SYT10: variants seen among roughly 807,000 people sequenced by gnomAD.
SYT10 encodes synaptotagmin-10.
A neutral mutation model predicts 51.1 loss-of-function variants in SYT10; 31 were observed. That is an observed-to-expected ratio of 0.61 (90% CI 0.46 to 0.82). The LOEUF is 0.82. Ranked by LOEUF, SYT10 falls within the 40% of genes least tolerant of loss-of-function variation. The pLI, the probability that SYT10 is intolerant of heterozygous loss-of-function variation, is 0.00. For synonymous variants in SYT10, 233 were observed against 225.9 expected, an observed-to-expected ratio of 1.03 and a Z score of -0.28; for missense variants, 603 against 634.0, an observed-to-expected ratio of 0.95 and a Z score of 0.53.
intron 2 of SYT10, among the ~76,000 whole-genome samples, chr12:33,418,695 G>T (rs1312348225): frequency 6.6e-6 from 1 of 152,072 alleles, no homozygotes; most frequent in African/African-American, 2.4e-5. Flanking sequence ...TATCAGGATG[G>T]TCTGTTTCTT....
intron 3 of SYT10, among the ~76,000 whole-genome samples, chr12:33,392,819 C>A (rs1323128996): frequency 2.0e-5 from 3 of 151,168 alleles, no homozygotes; most frequent in East Asian, 2.0e-4. Flanking sequence ...AATTACAAAA[C>A]CCCTCTGGGC....
At position 33,385,233 on chromosome 12, in the gene SYT10, C is replaced by T. The variant is rs1051673503; in HGVS notation, c.1136G>A (p.Arg379His). Residue 379 changes from arginine (R) to histidine (H), a missense_variant, in exon 4 of 7, where the codon CGT (arginine) becomes CAT (histidine). Coordinates refer to ENST00000228567, the MANE Select transcript of SYT10 (RefSeq NM_198992.4). ...FSLCYLPTAG[R>H]MTLTVIKCRN... ...GCACTTAATGACTGTCAATGTCATA[C>T]GCCCAGCCGTCGGTAGGTAACAAAG... 32 of 1,613,590 alleles carry T rather than the reference C, an allele frequency of 2.0e-5. No homozygotes were observed. The highest frequency in any genetic ancestry group is 2.6e-5 in the Non-Finnish European group (31 of 1,179,784).
At chr12:33,419,856 T>G (rs1866486612) in intron 2 of SYT10, among the ~76,000 whole-genome samples, 1 of 152,328 alleles carries the variant, frequency 6.6e-6, no homozygotes, top group African/African-American at 2.4e-5. Context: ...AAATATAGAC[T>G]GAAGCCTTAA....
chr12:33,429,337 T>C (rs1025711249), intron 1 of SYT10, among the ~76,000 whole-genome samples: 5 of 152,254 alleles, frequency 3.3e-5, no homozygotes, highest in African/African-American at 1.2e-4. Context: ...CTGTCAATTA[T>C]GTTGGAATAT....
chr12:33,381,815 G>C, intron 5 of SYT10, among the ~76,000 whole-genome samples: 1 of 152,154 alleles, frequency 6.6e-6, no homozygotes, highest in East Asian at 1.9e-4. Context: ...ATAAAGCAAT[G>C]CTTTAAGATT....
At chr12:33,431,868 A>G (rs1388988936) in intron 1 of SYT10, among the ~76,000 whole-genome samples, 7 of 152,040 alleles carry the variant, frequency 4.6e-5, no homozygotes, top group Non-Finnish European at 4.4e-5. Context: ...CCAACATCCC[A>G]CATATTTGCA....
At chr12:33,394,779 G>A (rs1591985529) in intron 3 of SYT10, among the ~76,000 whole-genome samples, 1 of 152,156 alleles carries the variant, frequency 6.6e-6, no homozygotes, top group East Asian at 1.9e-4. Flanking sequence ...ACTTTACTCT[G>A]TGGCTTTACC....
Position 33,375,065 on chromosome 12 carries a change from T to C in SYT10, c.*1765A>G, listed in dbSNP as rs575049792. 2.6e-5 allele frequency: 4 copies of C among 152,138 alleles called. No individual in the cohort carries two copies. In the East Asian group the frequency reaches 5.8e-4, roughly 22 times the overall value. 9.4% of individuals were successfully genotyped at this position (152,138 alleles called of 1,614,324 possible). On this transcript the variant is annotated 3_prime_UTR_variant, in exon 7 of 7. Coordinates refer to ENST00000228567, the MANE Select transcript of SYT10 (RefSeq NM_198992.4). ...CAAGTGTCATCTTTCATTTTACCTA[T>C]AGCAAATAATTCTTTTAGGCTCGAC... is the stretch of plus-strand genomic sequence containing the variant.
intron 2 of SYT10, among the ~76,000 whole-genome samples, chr12:33,423,566 C>G (rs1245688299): frequency 6.6e-6 from 1 of 152,046 alleles, no homozygotes; most frequent in Non-Finnish European, 1.5e-5. Flanking sequence ...TAGAAATAAT[C>G]ATGTTTTCTG....
intron 2 of SYT10, 21 bp from the exon 3 acceptor site, chr12:33,407,377 A>C: frequency 6.3e-7 from 1 of 1,593,890 alleles, no homozygotes; most frequent in Non-Finnish European, 8.5e-7. Context: ...ACACATATAC[A>C]CAAAATCATT....
chr12:33,378,798 C>A (rs1480841344), intron 6 of SYT10, among the ~76,000 whole-genome samples: 1 of 150,418 alleles, frequency 6.6e-6, no homozygotes, highest in Non-Finnish European at 1.5e-5. Flanking sequence ...GGGGAAAACA[C>A]CAAGTGACTG....
chr12:33,392,775 G>A (rs2138397392), intron 3 of SYT10, among the ~76,000 whole-genome samples: 1 of 151,648 alleles, frequency 6.6e-6, no homozygotes, highest in South Asian at 2.1e-4. Context: ...GGGCAGGAAC[G>A]GGGCAAAGAA....
chr12:33,411,170 G>A (rs1275336589), intron 2 of SYT10, among the ~76,000 whole-genome samples: 2 of 152,100 alleles, frequency 1.3e-5, no homozygotes, highest in African/African-American at 4.8e-5. Flanking sequence ...CATATTAATG[G>A]TTATCCTATT....
chr12:33,401,238 C>CT (rs958366787), intron 3 of SYT10, among the ~76,000 whole-genome samples: 8 of 152,166 alleles, frequency 5.3e-5, no homozygotes, highest in Admixed American at 2.6e-4. Context: ...TTTACATAGA[C>CT]TTTTTTGTAT....
At chr12:33,389,116 C>T (rs1036329666) in intron 3 of SYT10, among the ~76,000 whole-genome samples, 10 of 152,094 alleles carry the variant, frequency 6.6e-5, no homozygotes, top group African/African-American at 2.4e-4. Context: ...TGATTATACT[C>T]AGAAATAAAA....
rs71068377 is a variant in SYT10, at chr12:33,379,549, C to CAAAAAAAAAAAA, written c.1500+271_1500+282dup. Among the ~76,000 whole-genome samples the CAAAAAAAAAAAA allele has an allele frequency of 3.6e-4, 8 of 22,068 alleles. 1 individual carries two copies. Among genetic ancestry groups the CAAAAAAAAAAAA allele is most frequent in the Non-Finnish European group, 4.8e-4 (7 of 14,676 alleles). 14.5% of individuals were successfully genotyped at this position (22,068 alleles called of 152,430 possible). A position where few individuals can be genotyped will look rare whatever the true frequency, so the allele number is the denominator to read the frequency against. On this transcript the variant is annotated intron_variant, in intron 6 of 6. Transcript: ENST00000228567. The stretch of plus-strand genomic sequence containing the variant: ...CACTGATGTAAGTTTTCAGGCTATG[C>CAAAAAAAAAAAA]AAAAAAAAAAAAAAAAAAAAAAAAA...
chr12:33,406,653 G>T, intron 3 of SYT10, 136 bp downstream of exon 3: 1 of 732,606 alleles, frequency 1.4e-6, no homozygotes, highest in Non-Finnish European at 2.1e-6. Context: ...TAGTAGAAAT[G>T]AAATTCTACC....
intron 4 of SYT10, among the ~76,000 whole-genome samples, chr12:33,384,353 G>C (rs549484238): frequency 6.6e-6 from 1 of 151,100 alleles, no homozygotes; most frequent in African/African-American, 2.4e-5. Context: ...TTTTTTTTGT[G>C]ATGCAAATTT....
chr12:33,435,239 T>C (rs143903445), intron 1 of SYT10, among the ~76,000 whole-genome samples: 1 of 152,276 alleles, frequency 6.6e-6, no homozygotes, highest in Non-Finnish European at 1.5e-5. Flanking sequence ...AAAAAGGAAA[T>C]ACAGCTTTTA....
Sources: allele counts gnomAD v4.1 joint callset (sites outside exome capture counted in the v4.1 genomes callset), GRCh38; gene constraint gnomAD v4.1.1; transcripts MANE v1.5; gene names NCBI Gene and HGNC (gene_info 2026-07-23, HGNC 2026-07-21).